The following SYT16 variants were observed in gnomAD, a reference collection of about 807,000 sequenced individuals.
SYT16 encodes synaptotagmin-16.
Under a neutral mutation model 61.4 loss-of-function variants are expected in SYT16, and 42 were observed. The ratio of observed to expected loss-of-function variants is 0.68; its 90% CI spans 0.53 to 0.89. SYT16 has a LOEUF of 0.89. SYT16 is among the 40% of genes least tolerant of loss of function. SYT16 has a pLI of 0.00. For synonymous variants in SYT16, 314 were observed against 302.3 expected (o/e 1.04, Z -0.40); for missense variants, 804 against 807.3 (o/e 1.00, Z 0.05).
chr14:61,873,444 AC>A (rs1245440554), intron 1 of SYT16, among the ~76,000 whole-genome samples: 3 of 152,024 alleles, frequency 2.0e-5, no homozygotes, highest in African/African-American at 7.2e-5. Context: ...CTGTCTTTCC[AC>A]CAGAGCCCTG....
intron 1 of SYT16, among the ~76,000 whole-genome samples, chr14:61,946,319 A>C (rs1019850358): frequency 1.3e-5 from 2 of 152,234 alleles, no homozygotes; most frequent in Admixed American, 1.3e-4. Flanking sequence ...GTTCTCACTT[A>C]TAAGTGGGAG....
At chr14:62,001,659 C>T (rs1308008514) in intron 3 of SYT16, among the ~76,000 whole-genome samples, 2 of 151,942 alleles carry the variant, frequency 1.3e-5, no homozygotes, top group East Asian at 3.9e-4. Context: ...TTTTGGTGAT[C>T]ATGTCTTCAA....
intron 1 of SYT16, among the ~76,000 whole-genome samples, chr14:61,895,470 T>G (rs188638250): frequency 1.9e-3 from 286 of 152,346 alleles, no homozygotes; most frequent in African/African-American, 4.9e-3. Context: ...CTGTTCCTTT[T>G]TGTGTCTGAG....
chr14:61,930,056 T>A (rs1253119560), intron 1 of SYT16, among the ~76,000 whole-genome samples: 2 of 152,160 alleles, frequency 1.3e-5, no homozygotes, highest in Admixed American at 6.6e-5. Context: ...GAATAATCCT[T>A]CCTGACCCAT....
At chr14:62,025,568 G>A (rs997982443) in intron 3 of SYT16, among the ~76,000 whole-genome samples, 4 of 152,092 alleles carry the variant, frequency 2.6e-5, no homozygotes, top group Non-Finnish European at 5.9e-5. Context: ...TCTCTTGACA[G>A]TGTGTTTTGC....
chr14:61,881,679 A>G lies in SYT16; in HGVS notation c.-325+68869A>G, dbSNP rs145545211. Among the ~76,000 whole-genome samples, 1,111 of 152,272 alleles carry G rather than the reference A, an allele frequency of 7.3e-3. 8 individuals carry two copies. Among genetic ancestry groups the G allele is most frequent in the Non-Finnish European group, 0.013 (906 of 68,022 alleles). On this transcript the variant is annotated intron_variant, in intron 1 of 7. Coordinates refer to ENST00000683842, the MANE Select transcript of SYT16 (RefSeq NM_001367656.1). ...CTGTTCCATTCCCAGTGTTTAGTCCAGTGTTGACAGTAGATTGACAAATAT... is the reference window on the plus strand; with the variant it reads ...CTGTTCCATTCCCAGTGTTTAGTCCGGTGTTGACAGTAGATTGACAAATAT...
chr14:61,910,971 T>G (rs1224631704), intron 1 of SYT16, among the ~76,000 whole-genome samples: 4 of 152,218 alleles, frequency 2.6e-5, no homozygotes, highest in Admixed American at 2.6e-4. Flanking sequence ...CAGTATTTCA[T>G]TTTTAGATGT....
Position 62,104,520 on chromosome 14 carries a change from A to G in SYT16, c.*3813A>G, listed in dbSNP as rs1260570524. 1 of 152,258 alleles carries G rather than the reference A, an allele frequency of 6.6e-6. No individual in the cohort carries two copies. Among genetic ancestry groups the G allele is most frequent in the Non-Finnish European group, 1.5e-5 (1 of 68,042 alleles). 9.4% of individuals were successfully genotyped at this position (152,258 alleles called of 1,614,324 possible). A position where few individuals can be genotyped will look rare whatever the true frequency, so the allele number is the denominator to read the frequency against. ...CACCTATGGAAGAATTAAAGAATAC[A>G]TAAATGTGCTGGATACATTTAGCAT... On this transcript the variant is annotated 3_prime_UTR_variant, in exon 8 of 8. Transcript: ENST00000683842.
At chr14:61,969,109 T>C (rs1014717508) in intron 1 of SYT16, among the ~76,000 whole-genome samples, 4 of 152,222 alleles carry the variant, frequency 2.6e-5, no homozygotes, top group African/African-American at 7.2e-5. Flanking sequence ...TATCTCTTCA[T>C]ATTATTAAGG....
chr14:62,001,285 T>C (rs140562297), intron 3 of SYT16, among the ~76,000 whole-genome samples: 1 of 152,250 alleles, frequency 6.6e-6, no homozygotes, highest in Non-Finnish European at 1.5e-5. Flanking sequence ...TTTCTTATAC[T>C]GTATATATGC....
intron 1 of SYT16, among the ~76,000 whole-genome samples, chr14:61,967,619 CT>C (rs1001100514): frequency 6.6e-6 from 1 of 152,074 alleles, no homozygotes. Flanking sequence ...TCCATGCCTT[CT>C]TTTTTTGCTG....
chr14:62,078,149 C>A (rs1440764977), intron 5 of SYT16, among the ~76,000 whole-genome samples: 24 of 113,020 alleles, frequency 2.1e-4, no homozygotes, highest in African/African-American at 1.1e-3. Context: ...CTCTCTCTCT[C>A]TCTCTCTATA....
Position 62,111,179 on chromosome 14 carries a change from CTGT to C in SYT16, c.*10477_*10479del, listed in dbSNP as rs1490342468. 1 of 151,992 alleles carries C rather than the reference CTGT, an allele frequency of 6.6e-6. No individual in the cohort carries two copies. Among genetic ancestry groups the C allele is most frequent in the African/African-American group, 2.4e-5 (1 of 41,422 alleles). The allele number at this position is 151,992 out of a possible 1,614,324, so 9.4% of individuals were successfully genotyped here. A position where few individuals can be genotyped will look rare whatever the true frequency, so the allele number is the denominator to read the frequency against. ...CACCATATGCATACTGTGTACAGCT[CTGT>C]TGTTCTAAAATATTTTATTGGTTTT... On this transcript the variant is annotated 3_prime_UTR_variant, in exon 8 of 8. Coordinates refer to ENST00000683842, the MANE Select transcript of SYT16 (RefSeq NM_001367656.1).
intron 1 of SYT16, among the ~76,000 whole-genome samples, chr14:61,923,785 C>A (rs1011694624): frequency 1.3e-5 from 2 of 151,956 alleles, no homozygotes; most frequent in South Asian, 2.1e-4. Flanking sequence ...AAAAAAAGTT[C>A]TTGAAAATCA....
At chr14:62,039,227 G>T (rs1490678349) in intron 3 of SYT16, among the ~76,000 whole-genome samples, 4 of 152,164 alleles carry the variant, frequency 2.6e-5, no homozygotes, top group African/African-American at 9.7e-5. Context: ...TCCATCTTGG[G>T]GTTGTGGAGA....
At chr14:62,084,412 C>G in intron 7 of SYT16, 27 bp downstream of exon 7, 2 of 1,592,968 alleles carry the variant, frequency 1.3e-6, no homozygotes, top group East Asian at 2.3e-5. Flanking sequence ...TCTCCCAGCT[C>G]TGGTTCTTCC....
intron 1 of SYT16, among the ~76,000 whole-genome samples, chr14:61,887,020 G>A (rs983728136): frequency 6.6e-6 from 1 of 151,744 alleles, no homozygotes; most frequent in South Asian, 2.1e-4. Flanking sequence ...GATTACAGGC[G>A]TGAGCCACTG....
At chr14:61,909,041 C>T (rs1161890572) in intron 1 of SYT16, among the ~76,000 whole-genome samples, 1 of 152,110 alleles carries the variant, frequency 6.6e-6, no homozygotes, top group Admixed American at 6.6e-5. Flanking sequence ...CCAGGCTGGT[C>T]TTGAACTCCC....
chr14:61,993,647 A>G (rs1344913427), intron 2 of SYT16, among the ~76,000 whole-genome samples: 3 of 151,980 alleles, frequency 2.0e-5, no homozygotes, highest in Admixed American at 6.6e-5. Context: ...ATATTTGCAG[A>G]GAAAAAAAAA....
Sources: allele counts gnomAD v4.1 joint callset (sites outside exome capture counted in the v4.1 genomes callset), GRCh38; gene constraint gnomAD v4.1.1; transcripts MANE v1.5; gene names NCBI Gene and HGNC (gene_info 2026-07-23, HGNC 2026-07-21).